DEPDC1B: variants seen among roughly 807,000 people sequenced by gnomAD.
The protein encoded by DEPDC1B is DEP domain containing 1B, also known as DEP domain-containing protein 1B.
In DEPDC1B, 51 loss-of-function variants were observed where a neutral mutation model predicts 66.5. The ratio of observed to expected loss-of-function variants is 0.77; its 90% CI spans 0.61 to 0.97. The LOEUF (loss-of-function observed/expected upper bound fraction) is 0.97. Ranked by LOEUF, DEPDC1B falls within the 50% of genes least tolerant of loss-of-function variation. DEPDC1B has a pLI of 0.00. For synonymous variants in DEPDC1B, 226 were observed against 223.6 expected, an observed-to-expected ratio of 1.01 and a Z score of -0.10; for missense variants, 552 against 637.1, an observed-to-expected ratio of 0.87 and a Z score of 1.44.
chr5:60,693,860 CCGG>C (rs1474343224), intron 1 of DEPDC1B, among the ~76,000 whole-genome samples: 5 of 151,738 alleles, frequency 3.3e-5, no homozygotes, highest in African/African-American at 1.2e-4. Context: ...GTATGTAGGG[CCGG>C]GGGAAGGGGT....
chr5:60,667,732 TA>T (rs550060943), intron 2 of DEPDC1B, among the ~76,000 whole-genome samples: 2 of 133,456 alleles, frequency 1.5e-5, no homozygotes, highest in African/African-American at 5.7e-5. Context: ...TACATATATA[TA>T]AAAAATGGAT....
At chr5:60,631,896 A>G (rs1752933289) in intron 7 of DEPDC1B, among the ~76,000 whole-genome samples, 1 of 152,178 alleles carries the variant, frequency 6.6e-6, no homozygotes, top group African/African-American at 2.4e-5. Flanking sequence ...TAAGTGGGGC[A>G]CACTATCTGA....
chr5:60,654,720 T>A (rs1353248920), intron 2 of DEPDC1B, among the ~76,000 whole-genome samples: 2 of 148,940 alleles, frequency 1.3e-5, no homozygotes, highest in East Asian at 4.1e-4. Context: ...TCAGGGGGAA[T>A]GCTTTCCACT....
intron 10 of DEPDC1B, 39 bp from the exon 11 acceptor site, chr5:60,597,953 A>T (rs1038191172): frequency 1.3e-6 from 2 of 1,508,860 alleles, no homozygotes; most frequent in African/African-American, 2.9e-5. Flanking sequence ...AAAAAAAGAC[A>T]CATAAAAGCC....
chr5:60,638,767 G>C lies in DEPDC1B; in HGVS notation c.881C>G (p.Ala294Gly), dbSNP rs766371871. The C allele has an allele frequency of 6.2e-7, 1 of 1,610,010 alleles. No individual in the cohort carries two copies. The highest frequency in any genetic ancestry group is 1.3e-5 in the African/African-American group (1 of 74,688). Residue 294 changes from alanine to glycine, a missense_variant, in exon 7 of 11, where the codon GCT becomes GGT. Coordinates refer to ENST00000265036, the MANE Select transcript of DEPDC1B (RefSeq NM_018369.3). Reference protein sequence around the residue: ...EPLLTFHLFDAFVSVLGLLQK... With the variant: ...EPLLTFHLFDGFVSVLGLLQK... ...CAACTTACCCAGTACACTGACAAAA[G>C]CATCAAAAAGATGAAATGTAAGTAG...
chr5:60,619,297 G>A (rs1439026994), intron 7 of DEPDC1B, among the ~76,000 whole-genome samples: 1 of 152,180 alleles, frequency 6.6e-6, no homozygotes, highest in Non-Finnish European at 1.5e-5. Context: ...AAGGCAATCA[G>A]GAAGGAGAAG....
chr5:60,600,255 A>G (rs751704632), intron 9 of DEPDC1B, among the ~76,000 whole-genome samples: 1 of 152,182 alleles, frequency 6.6e-6, no homozygotes, highest in Non-Finnish European at 1.5e-5. Flanking sequence ...CAGACATTGC[A>G]GAAGGGATAA....
chr5:60,605,796 G>C lies in DEPDC1B; in HGVS notation c.959C>G (p.Pro320Arg), dbSNP rs759910752. 3.1e-6 allele frequency: 5 copies of C among 1,613,298 alleles called. No homozygotes were observed. ...CTGTAACTTTCTCCTATTTTCAGGA[G>C]GTAGGAGAAGGCAGCAAATCTGAAA... ...EAFQICCLLL[P>R]PENRRKLQLL... The change falls in exon 8 of 11, where the codon CCT becomes CGT. Residue 320 changes from proline to arginine, a missense_variant. By Grantham distance (103) the Pro-to-Arg change is moderately radical (BLOSUM62 -2). Coordinates refer to ENST00000265036, the MANE Select transcript of DEPDC1B (RefSeq NM_018369.3).
chr5:60,654,886 A>C (rs1182435668), intron 2 of DEPDC1B, among the ~76,000 whole-genome samples: 1 of 148,820 alleles, frequency 6.7e-6, no homozygotes, highest in Non-Finnish European at 1.5e-5. Context: ...TGGGATGATC[A>C]TGATTTTTGT....
At chr5:60,625,189 A>G (rs974490988) in intron 7 of DEPDC1B, among the ~76,000 whole-genome samples, 2 of 152,182 alleles carry the variant, frequency 1.3e-5, no homozygotes, top group African/African-American at 2.4e-5. Context: ...TATTGTGAAC[A>G]GTGCCGCAAT....
In DEPDC1B at chr5:60,686,983, T is replaced by C. The variant is rs545366979; in HGVS notation, c.293A>G (p.Glu98Gly). The change falls in exon 2 of 11, where the codon GAA becomes GGA. Residue 98 changes from glutamate (E) to glycine (G), a missense_variant. Transcript: ENST00000265036. ...IKGKWGEEDF[E>G]DNRHLYRFPP... ...TTACCTGTATAAGTGACGATTGTCT[T>C]CAAAATCTTCCTCACCCCATTTTCC... is the stretch of plus-strand genomic sequence containing the variant. The C allele has an allele frequency of 6.2e-7, 1 of 1,614,234 alleles. No homozygotes were observed. The highest frequency in any genetic ancestry group is 1.7e-5 in the Admixed American group (1 of 60,026).
intron 2 of DEPDC1B, among the ~76,000 whole-genome samples, chr5:60,677,348 TC>T (rs1754191679): frequency 6.6e-6 from 1 of 151,108 alleles, no homozygotes; most frequent in Non-Finnish European, 1.5e-5. Flanking sequence ...TCTCTCTCTC[TC>T]TCTCTCTCTC....
intron 7 of DEPDC1B, among the ~76,000 whole-genome samples, chr5:60,621,047 C>A (rs1752688507): frequency 6.6e-6 from 1 of 151,780 alleles, no homozygotes; most frequent in Non-Finnish European, 1.5e-5. Flanking sequence ...GGACAAAAAA[C>A]CAAACACCAC....
chr5:60,619,069 C>T (rs1752638218), intron 7 of DEPDC1B, among the ~76,000 whole-genome samples: 1 of 152,136 alleles, frequency 6.6e-6, no homozygotes, highest in African/African-American at 2.4e-5. Flanking sequence ...GCAGAAAAGG[C>T]CTTTGACAAA....
chr5:60,665,473 G>T (rs985718657), intron 2 of DEPDC1B, among the ~76,000 whole-genome samples: 9 of 152,070 alleles, frequency 5.9e-5, no homozygotes, highest in African/African-American at 2.2e-4. Context: ...ACTACAAATC[G>T]TTCTTCAAAT....
chr5:60,626,424 T>C (rs1752809740), intron 7 of DEPDC1B, among the ~76,000 whole-genome samples: 1 of 152,188 alleles, frequency 6.6e-6, no homozygotes, highest in Non-Finnish European at 1.5e-5. Context: ...TCAATTCTTT[T>C]GGGTGTACAT....
chr5:60,619,140 C>A (rs1584035075), intron 7 of DEPDC1B, among the ~76,000 whole-genome samples: 2 of 152,074 alleles, frequency 1.3e-5, no homozygotes, highest in Non-Finnish European at 2.9e-5. Flanking sequence ...GATGTATCTC[C>A]AAATAATAAG....
At chr5:60,602,769 AT>A (rs1262973610) in intron 9 of DEPDC1B, among the ~76,000 whole-genome samples, 6 of 152,230 alleles carry the variant, frequency 3.9e-5, no homozygotes, top group Admixed American at 1.3e-4. Context: ...AGAATAGCCC[AT>A]TTTAACGCCT....
At chr5:60,686,925 C>T (rs1754424080) in intron 2 of DEPDC1B, 37 bp downstream of exon 2, 5 of 1,607,860 alleles carry the variant, frequency 3.1e-6, no homozygotes, top group Non-Finnish European at 3.4e-6. Flanking sequence ...CTCATCTCCC[C>T]AATTCCTCAC....
Sources: allele counts gnomAD v4.1 joint callset (sites outside exome capture counted in the v4.1 genomes callset), GRCh38; gene constraint gnomAD v4.1.1; transcripts MANE v1.5; gene names NCBI Gene and HGNC (gene_info 2026-07-23, HGNC 2026-07-21).